The following RGS5 variants were observed in gnomAD, a reference collection of about 807,000 sequenced individuals.
RGS5 encodes regulator of G-protein signalling 5.
Under a neutral mutation model 18.9 loss-of-function variants are expected in RGS5, and 20 were observed. That is an observed-to-expected ratio of 1.06 (90% confidence interval 0.74 to 1.54). The LOEUF (loss-of-function observed/expected upper bound fraction) is 1.54, where lower values mean the gene tolerates loss of function less well. Ranked by LOEUF, RGS5 falls within the 40% of genes most tolerant of loss-of-function variation. The probability of loss-of-function intolerance (pLI) is 0.00; values close to 1 mark genes in which losing one functional copy is unlikely to be tolerated. For missense variants in RGS5, 201 were observed against 211.8 expected (o/e 0.95, Z 0.32); for synonymous variants, 57 against 76.2 (o/e 0.75, Z 1.31).
intron 2 of RGS5, among the ~76,000 whole-genome samples, chr1:163,268,733 C>A (rs745751770): frequency 6.6e-6 from 1 of 152,128 alleles, no homozygotes; most frequent in Non-Finnish European, 1.5e-5. Context: ...CTTGCCCATT[C>A]ATTCCTGAGA....
upstream of RGS5, among the ~76,000 whole-genome samples, chr1:163,218,276 A>G (rs958297514): frequency 6.6e-6 from 1 of 152,188 alleles, no homozygotes; most frequent in Admixed American, 6.5e-5. Flanking sequence ...GAAATTTAGC[A>G]TTTCCTATAA....
At chr1:163,158,416 CAA>C (rs1173106857) in intron 3 of RGS5, among the ~76,000 whole-genome samples, 3 of 152,192 alleles carry the variant, frequency 2.0e-5, no homozygotes, top group South Asian at 4.2e-4. Flanking sequence ...GGGTATCGGG[CAA>C]AATTCACCCC....
rs1251438039 is a variant in RGS5, at chr1:163,278,780, C to CA, written c.-281+27452dup. Reference sequence around the variant, plus strand: ...GCTGAGTGAATTAAAACACAAAACTCAAATATATGCTGCCTACAAGAAACT... The same window carrying CA: ...GCTGAGTGAATTAAAACACAAAACTCAAAATATATGCTGCCTACAAGAAACT... On this transcript the variant is annotated intron_variant, in intron 2 of 5. Transcript: ENST00000618415. Among the ~76,000 whole-genome samples, 5 of 152,038 alleles carry CA rather than the reference C, an allele frequency of 3.3e-5. No individual in the cohort carries two copies. In the East Asian group the frequency reaches 9.7e-4, roughly 29 times the overall value.
chr1:163,197,416 G>A (rs967545934), intron 1 of RGS5, among the ~76,000 whole-genome samples: 5 of 152,046 alleles, frequency 3.3e-5, no homozygotes, highest in Admixed American at 1.3e-4. Flanking sequence ...TAGGGGCCCC[G>A]CCTACCACCC....
intron 1 of RGS5, among the ~76,000 whole-genome samples, chr1:163,201,623 C>T (rs1659773960): frequency 6.6e-6 from 1 of 151,790 alleles, no homozygotes; most frequent in Admixed American, 6.6e-5. Flanking sequence ...GTAAGTCTCC[C>T]TGGAGGTTTC....
intron 2 of RGS5, chr1:163,300,349 T>C (rs1649521094): frequency 6.6e-6 from 1 of 152,246 alleles, no homozygotes; most frequent in South Asian, 2.1e-4. Flanking sequence ...TTCCCAGACA[T>C]TGAGCCCAAG....
chr1:163,294,003 C>G (rs1431883323), intron 2 of RGS5, among the ~76,000 whole-genome samples: 2 of 152,216 alleles, frequency 1.3e-5, no homozygotes, highest in Non-Finnish European at 2.9e-5. Context: ...CTCTGTGGCT[C>G]TGCAGAGTAT....
rs142589481 is a variant in RGS5 at position 163,285,165 on chromosome 1, A to G, written c.-281+21068T>C. ...TGGGAATTATGAGAATTACAATTCAAGATGAGATTTGGCTGGGGTCACTGC... is the reference window on the plus strand; with the variant it reads ...TGGGAATTATGAGAATTACAATTCAGGATGAGATTTGGCTGGGGTCACTGC... On this transcript the variant is annotated intron_variant, in intron 2 of 5. Transcript: ENST00000618415. Among the ~76,000 whole-genome samples, 111 of 152,326 alleles carry G rather than the reference A, an allele frequency of 7.3e-4. 2 individuals carry two copies. In the East Asian group the frequency reaches 0.018, roughly 25 times the overall value.
intron 3 of RGS5, among the ~76,000 whole-genome samples, chr1:163,155,270 C>T (rs1278566829): frequency 3.9e-5 from 6 of 152,070 alleles, no homozygotes; most frequent in Non-Finnish European, 7.4e-5. Flanking sequence ...ATTTATGACA[C>T]GGGGATGTAT....
chr1:163,185,321 A>G (rs982463276), intron 1 of RGS5, among the ~76,000 whole-genome samples: 1 of 152,098 alleles, frequency 6.6e-6, no homozygotes, highest in African/African-American at 2.4e-5. Flanking sequence ...TTTTAAATCA[A>G]ATTAATAACT....
chr1:163,188,515 T>A (rs1659192658), intron 1 of RGS5, among the ~76,000 whole-genome samples: 1 of 152,182 alleles, frequency 6.6e-6, no homozygotes, highest in African/African-American at 2.4e-5. Flanking sequence ...TATAGATTGG[T>A]ATCATCAGCT....
chr1:163,294,738 C>T (rs773266688), intron 2 of RGS5, among the ~76,000 whole-genome samples: 2 of 152,172 alleles, frequency 1.3e-5, no homozygotes, highest in Non-Finnish European at 2.9e-5. Context: ...TTTATGCTCT[C>T]TCTTTCCTTT....
intron 3 of RGS5, among the ~76,000 whole-genome samples, chr1:163,157,596 A>G (rs1022898548): frequency 2.6e-5 from 4 of 152,188 alleles, no homozygotes; most frequent in Admixed American, 6.5e-5. Context: ...TAACACATCA[A>G]CTGTGAAAGT....
chr1:163,193,159 T>C (rs973261988), intron 1 of RGS5, among the ~76,000 whole-genome samples: 1 of 152,196 alleles, frequency 6.6e-6, no homozygotes, highest in Non-Finnish European at 1.5e-5. Flanking sequence ...AGTTCCAATG[T>C]CTTTCTAGAA....
intron 2 of RGS5, among the ~76,000 whole-genome samples, chr1:163,226,280 G>A (rs543731066): frequency 6.6e-6 from 1 of 152,216 alleles, no homozygotes; most frequent in East Asian, 1.9e-4. Context: ...CTGTTAATTA[G>A]GTATAAAAAT....
At chr1:163,240,565 A>AG (rs1647762866) in intron 2 of RGS5, among the ~76,000 whole-genome samples, 1 of 152,174 alleles carries the variant, frequency 6.6e-6, no homozygotes, top group Non-Finnish European at 1.5e-5. Context: ...TCTCTCACCC[A>AG]GGCTGCAGAG....
At chr1:163,247,163 T>C (rs1047967024) in intron 2 of RGS5, among the ~76,000 whole-genome samples, 1 of 152,152 alleles carries the variant, frequency 6.6e-6, no homozygotes, top group African/African-American at 2.4e-5. Flanking sequence ...CAAAATAATC[T>C]GTATACCAAA....
At chr1:163,215,282 C>G (rs998086926) in intron 1 of RGS5, among the ~76,000 whole-genome samples, 4 of 152,118 alleles carry the variant, frequency 2.6e-5, no homozygotes, top group Non-Finnish European at 5.9e-5. Context: ...TTCTGGAGCC[C>G]TGCTGCTTGG....
rs192343630 is a variant in RGS5, at chr1:163,153,801, A to G, written c.218-1085T>C. On this transcript the variant is annotated intron_variant, in intron 3 of 4. Coordinates refer to ENST00000313961, the MANE Select transcript of RGS5 (RefSeq NM_003617.4). ...TTTCCTTCTCCTTAATGCTGAATAT[A>G]TATGTATTATTCAACATATATTACA... Among the ~76,000 whole-genome samples, 14 of 145,494 alleles carry G rather than the reference A, an allele frequency of 9.6e-5. No homozygotes were observed. In the East Asian group the frequency reaches 1.8e-3, roughly 19 times the overall value.
Sources: gnomAD v4.1 joint callset for allele counts (sites outside exome capture counted in the v4.1 genomes callset) on GRCh38, gnomAD v4.1.1 for gene constraint, MANE v1.5 for transcripts, NCBI Gene and HGNC (gene_info 2026-07-23, HGNC 2026-07-21) for gene names.